The following ZNF713 variants were observed in gnomAD, a reference collection of about 807,000 sequenced individuals.
ZNF713 encodes zinc finger protein 713.
A neutral mutation model predicts 28.7 loss-of-function variants in ZNF713; 21 were observed. That is an observed-to-expected ratio of 0.73 (90% CI 0.52 to 1.05). The LOEUF is 1.05. ZNF713 is among the 50% of genes least tolerant of loss of function. The pLI, the probability that ZNF713 is intolerant of heterozygous loss-of-function variation, is 0.00. For synonymous variants in ZNF713, 167 were observed against 178.0 expected (o/e 0.94, Z 0.49); for missense variants, 458 against 532.4 (o/e 0.86, Z 1.37).
At position 55,932,636 on chromosome 7, in the gene ZNF713, G is replaced by C. The variant is rs1786234909; in HGVS notation, c.308-6346G>C. 2.6e-5 allele frequency among the ~76,000 whole-genome samples: 4 copies of C among 151,838 alleles called. No individual in the cohort carries two copies. In the East Asian group the frequency reaches 5.8e-4, roughly 22 times the overall value. On this transcript the variant is annotated intron_variant, in intron 6 of 6. Transcript: ENST00000429591. Reference sequence around the variant, plus strand: ...GCGGTGGCTCACGCCTGTAATCCCAGCACTTTGGGAGGCCGAGGCGGGTGG... The same window carrying C: ...GCGGTGGCTCACGCCTGTAATCCCACCACTTTGGGAGGCCGAGGCGGGTGG...
At chr7:55,906,916 G>C (rs1375190107) in intron 2 of ZNF713, among the ~76,000 whole-genome samples, 1 of 152,186 alleles carries the variant, frequency 6.6e-6, no homozygotes, top group Admixed American at 6.5e-5. Context: ...CTGAAGAGGA[G>C]ACCTACTTTA....
At chr7:55,925,393 C>T (rs1327670410) in intron 6 of ZNF713, among the ~76,000 whole-genome samples, 4 of 152,006 alleles carry the variant, frequency 2.6e-5, no homozygotes, top group Admixed American at 6.6e-5. Flanking sequence ...GAGGCCGAGG[C>T]GGGCAGATCA....
At chr7:55,910,189 T>A (rs1019020575) in intron 2 of ZNF713, among the ~76,000 whole-genome samples, 1 of 152,074 alleles carries the variant, frequency 6.6e-6, no homozygotes, top group African/African-American at 2.4e-5. Flanking sequence ...ACTGAAGTCA[T>A]TTATCAAATC....
intron 4 of ZNF713, among the ~76,000 whole-genome samples, chr7:55,919,273 G>A (rs1184694974): frequency 6.6e-6 from 1 of 152,108 alleles, no homozygotes; most frequent in Non-Finnish European, 1.5e-5. Flanking sequence ...CTAACCCAGG[G>A]TGGACTATAA....
chr7:55,923,076 A>T, intron 4 of ZNF713, 86 bp from the exon 5 acceptor site: 1 of 1,437,830 alleles, frequency 7.0e-7, no homozygotes, highest in Non-Finnish European at 9.2e-7. Context: ...TGGCTTAGAT[A>T]ACCTGGTGCT....
intron 2 of ZNF713, among the ~76,000 whole-genome samples, chr7:55,908,606 TTTC>T (rs1209995456): frequency 6.6e-6 from 1 of 152,106 alleles, no homozygotes. Flanking sequence ...GGTTTTTTTT[TTTC>T]TTGTTGAGTT....
intron 2 of ZNF713, among the ~76,000 whole-genome samples, chr7:55,909,135 GT>G (rs1036132787): frequency 6.8e-6 from 1 of 147,566 alleles, no homozygotes; most frequent in Admixed American, 7.0e-5. Context: ...GGAGTCGGAG[GT>G]TGCAGTGAGC....
At chr7:55,889,037 C>T (rs1228367384) in intron 1 of ZNF713, among the ~76,000 whole-genome samples, 1 of 151,880 alleles carries the variant, frequency 6.6e-6, no homozygotes, top group Admixed American at 6.6e-5. Context: ...AGAATCAGAC[C>T]TTGTCTCAAA....
chr7:55,889,455 T>A (rs1226266316), intron 1 of ZNF713, among the ~76,000 whole-genome samples: 4 of 151,864 alleles, frequency 2.6e-5, no homozygotes, highest in Non-Finnish European at 5.9e-5. Context: ...CAGAAAAGTT[T>A]AAAAAAAAAT....
intron 6 of ZNF713, among the ~76,000 whole-genome samples, chr7:55,929,877 T>C (rs1786177198): frequency 6.6e-6 from 1 of 152,174 alleles, no homozygotes; most frequent in African/African-American, 2.4e-5. Flanking sequence ...GATTCATATA[T>C]TCAATACACA....
At chr7:55,937,599 G>A (rs962951656) in intron 6 of ZNF713, among the ~76,000 whole-genome samples, 3 of 152,054 alleles carry the variant, frequency 2.0e-5, no homozygotes, top group African/African-American at 7.2e-5. Context: ...AGGAACATCT[G>A]TTACCTAAGA....
Position 55,941,555 on chromosome 7 carries a change from C to G in ZNF713, c.*1549C>G, listed in dbSNP as rs1786471774. The G allele has an allele frequency of 6.6e-6, 1 of 151,462 alleles. No individual in the cohort carries two copies. The highest frequency in any genetic ancestry group is 2.4e-5 in the African/African-American group (1 of 41,202). 9.4% of individuals were successfully genotyped at this position (151,462 alleles called of 1,614,324 possible). ...TAAAAGAGGAATATTTCACGAACGT[C>G]AGTTATTTGTATGCTTTCTTTACAG... On this transcript the variant is annotated 3_prime_UTR_variant, in exon 7 of 7. Transcript: ENST00000429591.
At chr7:55,888,424 C>T (rs927953505) in intron 1 of ZNF713, among the ~76,000 whole-genome samples, 1 of 152,058 alleles carries the variant, frequency 6.6e-6, no homozygotes, top group African/African-American at 2.4e-5. Flanking sequence ...ACTTTATCAC[C>T]CAGGCTGCAG....
intron 6 of ZNF713, among the ~76,000 whole-genome samples, chr7:55,938,463 C>G (rs1443116017): frequency 1.3e-5 from 2 of 152,074 alleles, no homozygotes; most frequent in Non-Finnish European, 2.9e-5. Context: ...GGGATTCTTT[C>G]TTTACACATT....
intron 1 of ZNF713, among the ~76,000 whole-genome samples, chr7:55,902,794 G>A (rs1785600740): frequency 6.6e-6 from 1 of 152,046 alleles, no homozygotes; most frequent in Non-Finnish European, 1.5e-5. Flanking sequence ...CATTAGTGGA[G>A]AAAGAACATT....
intron 4 of ZNF713, 79 bp from the exon 5 acceptor site, chr7:55,923,083 T>C (rs1786023547): frequency 6.8e-7 from 1 of 1,479,672 alleles, no homozygotes; most frequent in South Asian, 1.5e-5. Flanking sequence ...GATAACCTGG[T>C]GCTACACTTT....
chr7:55,930,205 ATG>A (rs1355411106), intron 6 of ZNF713, among the ~76,000 whole-genome samples: 2 of 152,214 alleles, frequency 1.3e-5, no homozygotes, highest in Non-Finnish European at 2.9e-5. Context: ...ATATGAAAAA[ATG>A]TTCAATCTCA....
intron 6 of ZNF713, among the ~76,000 whole-genome samples, chr7:55,933,403 C>G (rs1454304381): frequency 6.6e-6 from 1 of 151,558 alleles, no homozygotes; most frequent in African/African-American, 2.4e-5. Flanking sequence ...TCGAGTGATT[C>G]TCCTGCCTCA....
chr7:55,908,534 T>C (rs985588964), intron 2 of ZNF713, among the ~76,000 whole-genome samples: 13 of 152,192 alleles, frequency 8.5e-5, no homozygotes, highest in African/African-American at 2.9e-4. Flanking sequence ...TCACTGTTGA[T>C]GAATGATGTT....
Sources: gnomAD v4.1 joint callset for allele counts (sites outside exome capture counted in the v4.1 genomes callset) on GRCh38, gnomAD v4.1.1 for gene constraint, MANE v1.5 for transcripts, NCBI Gene and HGNC (gene_info 2026-07-23, HGNC 2026-07-21) for gene names.